The following CDC5L variants were observed in gnomAD, a reference collection of about 807,000 sequenced individuals.
CDC5L encodes the protein cell division cycle 5-like protein.
Under a neutral mutation model 104.1 loss-of-function variants are expected in CDC5L, and 18 were observed. The ratio of observed to expected loss-of-function variants is 0.17; its 90% confidence interval spans 0.12 to 0.26. CDC5L has a LOEUF of 0.26. Among genes scored for constraint, CDC5L ranks in the 10% least tolerant of loss-of-function variants. CDC5L has a pLI of 1.00. For missense variants in CDC5L, 673 were observed against 956.9 expected, an observed-to-expected ratio of 0.70 and a Z score of 3.91; for synonymous variants, 331 against 322.7, an observed-to-expected ratio of 1.03 and a Z score of -0.28.
intron 11 of CDC5L, among the ~76,000 whole-genome samples, chr6:44,424,894 G>A (rs1175943029): frequency 1.3e-5 from 2 of 152,120 alleles, no homozygotes; most frequent in African/African-American, 2.4e-5. Context: ...AAGAAAAGAT[G>A]TTATTGGTTA....
intron 9 of CDC5L, among the ~76,000 whole-genome samples, chr6:44,422,033 A>G (rs1258687043): frequency 6.6e-6 from 1 of 152,218 alleles, no homozygotes; most frequent in Admixed American, 6.5e-5. Context: ...AACCAGGAAA[A>G]AAAAAGACTT....
intron 4 of CDC5L, 140 bp downstream of exon 4, chr6:44,393,713 G>A: frequency 1.3e-6 from 1 of 793,096 alleles, no homozygotes; most frequent in Non-Finnish European, 1.9e-6. Flanking sequence ...TACCCAGGCT[G>A]GAATGAAGTG....
rs142973568 is a variant in CDC5L at position 44,434,391 on chromosome 6, TG to T, written c.2091+4482del. Among the ~76,000 whole-genome samples the T allele has an allele frequency of 7.9e-3, 1,207 of 152,308 alleles. 19 individuals carry two copies. Among genetic ancestry groups the T allele is most frequent in the African/African-American group, 0.028 (1,153 of 41,564 alleles). ...CAAACAATAATTACTTTCTTGGACC[TG>T]CGTCTCATCAGAGTAGAGAAGGTTC... On this transcript the variant is annotated intron_variant, in intron 14 of 15. Transcript: ENST00000371477.
chr6:44,393,177 T>G (rs1360768145), intron 3 of CDC5L, among the ~76,000 whole-genome samples: 6 of 150,648 alleles, frequency 4.0e-5, no homozygotes, highest in Admixed American at 2.6e-4. Context: ...TTTTTTTTTT[T>G]TTTTTTTTTT....
chr6:44,431,697 G>C (rs1007950881), intron 14 of CDC5L, among the ~76,000 whole-genome samples: 4 of 152,130 alleles, frequency 2.6e-5, no homozygotes, highest in African/African-American at 9.7e-5. Flanking sequence ...CACACAGTGA[G>C]TGGTGCCATA....
chr6:44,426,771 A>AG, intron 13 of CDC5L, 47 bp downstream of exon 13: 1 of 1,586,386 alleles, frequency 6.3e-7, no homozygotes, highest in Non-Finnish European at 8.6e-7. Flanking sequence ...GGTAGTTGTT[A>AG]GGTGCTGTGT....
intron 9 of CDC5L, among the ~76,000 whole-genome samples, chr6:44,420,080 T>C (rs1185870520): frequency 6.6e-6 from 1 of 152,220 alleles, no homozygotes; most frequent in Non-Finnish European, 1.5e-5. Flanking sequence ...TGTATTACTA[T>C]TGCTTTCCCT....
intron 8 of CDC5L, 69 bp from the exon 9 acceptor site, chr6:44,419,380 A>AG: frequency 6.9e-7 from 1 of 1,451,660 alleles, no homozygotes; most frequent in East Asian, 2.3e-5. Flanking sequence ...TTGGTATAGT[A>AG]GGACCAGAAG....
intron 14 of CDC5L, among the ~76,000 whole-genome samples, chr6:44,434,331 A>G (rs1294602151): frequency 6.6e-6 from 1 of 152,176 alleles, no homozygotes; most frequent in Non-Finnish European, 1.5e-5. Context: ...CATGCTTTTC[A>G]GGGATGCAAT....
rs752286056 is a variant in CDC5L, at chr6:44,393,433, G to A, written c.312-13G>A. ...TACTGTAGTGTGACTAACTCCTATG[G>A]GCTTTTTTCTAGGGATAAAGCTGCC... On this transcript the variant is annotated splice_polypyrimidine_tract_variant and intron_variant, in intron 3 of 15. Coordinates refer to ENST00000371477, the MANE Select transcript of CDC5L (RefSeq NM_001253.4). 6.2e-7 allele frequency: 1 copy of A among 1,612,240 alleles called. No homozygotes were observed. The highest frequency in any genetic ancestry group is 8.5e-7 in the Non-Finnish European group (1 of 1,178,994).
intron 8 of CDC5L, among the ~76,000 whole-genome samples, chr6:44,409,584 T>C (rs1255137123): frequency 6.6e-6 from 1 of 152,360 alleles, no homozygotes; most frequent in Non-Finnish European, 1.5e-5. Context: ...TTCTTGGAGC[T>C]AATACTTGTT....
chr6:44,392,872 C>A (rs59080457), intron 3 of CDC5L, 44 bp downstream of exon 3: 1 of 1,509,510 alleles, frequency 6.6e-7, no homozygotes, highest in South Asian at 1.2e-5. Context: ...TGTATATGTT[C>A]TGAAAGAGGC....
At chr6:44,399,815 G>A (rs779286674) in intron 5 of CDC5L, among the ~76,000 whole-genome samples, 2 of 151,854 alleles carry the variant, frequency 1.3e-5, no homozygotes, top group African/African-American at 2.4e-5. Flanking sequence ...CACCACACCC[G>A]GCTAATTTTT....
At position 44,396,474 on chromosome 6, in the gene CDC5L, T is replaced by C. The variant is rs780181293; in HGVS notation, c.539+34T>C. ...GGATATAGGAATAAAAAGCAAAGTG[T>C]TTTTCTCACATAACAATCAACACAG... On this transcript the variant is annotated intron_variant, in intron 5 of 15. Coordinates refer to ENST00000371477, the MANE Select transcript of CDC5L (RefSeq NM_001253.4). 7.4e-6 allele frequency: 10 copies of C among 1,355,472 alleles called. No individual in the cohort carries two copies. The Admixed American group carries it at 1.5e-4, about 20-fold the overall frequency. The allele number at this position is 1,355,472 out of a possible 1,614,324, so 84.0% of individuals were successfully genotyped here. A position where few individuals can be genotyped will look rare whatever the true frequency, so the allele number is the denominator to read the frequency against.
intron 8 of CDC5L, among the ~76,000 whole-genome samples, chr6:44,411,637 A>AGTGTGTGTGTGT (rs55826820): frequency 5.7e-4 from 70 of 123,740 alleles, no homozygotes; most frequent in Middle Eastern, 4.0e-3. Context: ...AGAGAGAGAG[A>AGTGTGTGTGTGT]GTGTGTGTGT....
intron 3 of CDC5L, 80 bp from the exon 4 acceptor site, chr6:44,393,365 TA>T: frequency 7.4e-7 from 1 of 1,350,378 alleles, no homozygotes. Flanking sequence ...GGGGGAAAAA[TA>T]TCGTCAGAAC....
intron 6 of CDC5L, 26 bp from the exon 7 acceptor site, chr6:44,406,297 C>G (rs1304800969): frequency 6.5e-7 from 1 of 1,548,922 alleles, no homozygotes; most frequent in East Asian, 2.3e-5. Context: ...ACTTAAAAAT[C>G]TCTTTTCTAC....
In CDC5L at chr6:44,447,857, T is replaced by G. The variant is rs1397315966; in HGVS notation, c.*1146T>G. ...GCAGTTATTAAGACAGAGTTCTTGC[T>G]CTCATGGAGGTGACATTAGTGGGGA... On this transcript the variant is annotated 3_prime_UTR_variant, in exon 16 of 16. Coordinates refer to ENST00000371477, the MANE Select transcript of CDC5L (RefSeq NM_001253.4). 6.6e-6 allele frequency: 1 copy of G among 152,234 alleles called. No individual in the cohort carries two copies. The highest frequency in any genetic ancestry group is 1.5e-5 in the Non-Finnish European group (1 of 68,052). The allele number at this position is 152,234 out of a possible 1,614,324, so 9.4% of individuals were successfully genotyped here.
chr6:44,438,011 G>A (rs1185195194), intron 14 of CDC5L, among the ~76,000 whole-genome samples: 3 of 152,098 alleles, frequency 2.0e-5, no homozygotes, highest in African/African-American at 4.8e-5. Context: ...GTGCAGTGGC[G>A]CGATCATGGC....
Sources: gnomAD v4.1 joint callset for allele counts (sites outside exome capture counted in the v4.1 genomes callset) on GRCh38, gnomAD v4.1.1 for gene constraint, MANE v1.5 for transcripts, NCBI Gene and HGNC (gene_info 2026-07-23, HGNC 2026-07-21) for gene names.